Variants in MSH6 observed in about 807,000 individuals in gnomAD.
MSH6 encodes the protein mutS homolog 6, also known as DNA mismatch repair protein Msh6.
MSH6 carries 85 observed loss-of-function variants against 119.1 expected under a neutral mutation model. That is an observed-to-expected ratio of 0.71 (90% CI 0.60 to 0.85). MSH6 has a LOEUF of 0.85. Ranked by LOEUF, MSH6 falls within the 40% of genes least tolerant of loss-of-function variation. MSH6 has a pLI of 0.00. For missense variants in MSH6, 2,163 were observed against 1,655.3 expected, an observed-to-expected ratio of 1.31 and a Z score of -5.32; for synonymous variants, 830 against 586.9, an observed-to-expected ratio of 1.41 and a Z score of -5.99.
Position 47,800,066 on chromosome 2 carries a change from C to T in MSH6, c.2083C>T (p.Leu695Phe), listed in dbSNP as rs1669418611. ...TTGTGTCTTCTACCTCAAAAAATGC[C>T]TTATTGATCAGGAGCTTTTATCAAT... is the stretch of plus-strand genomic sequence containing the variant. ...GGCVFYLKKCLIDQELLSMAN... is the reference protein window; with the variant it reads ...GGCVFYLKKCFIDQELLSMAN... Residue 695 changes from leucine to phenylalanine, a missense_variant, in exon 4 of 10, where the codon CTT becomes TTT. Transcript: ENST00000234420. The T allele has an allele frequency of 1.9e-6, 3 of 1,614,094 alleles. No homozygotes were observed.
At chr2:47,805,443 G>A (rs967925333) in intron 6 of MSH6, among the ~76,000 whole-genome samples, 175 bp from the exon 7 acceptor site, 1 of 152,094 alleles carries the variant, frequency 6.6e-6, no homozygotes, top group Non-Finnish European at 1.5e-5. Flanking sequence ...CTCCCAAAGT[G>A]CTGGGATTAC....
At chr2:47,784,076 C>G (rs903600519) in intron 1 of MSH6, 4 of 1,008,864 alleles carry the variant, frequency 4.0e-6, no homozygotes, top group Non-Finnish European at 4.7e-6. Flanking sequence ...GTCGCCGAGA[C>G]GCCTTGGGGA....
intron 2 of MSH6, among the ~76,000 whole-genome samples, chr2:47,792,615 A>G: frequency 1.3e-5 from 2 of 152,194 alleles, no homozygotes; most frequent in East Asian, 3.9e-4. Flanking sequence ...CGGCCTCCCA[A>G]AGTGCTGAGA....
At chr2:47,787,327 A>G (rs1668406784) in intron 1 of MSH6, among the ~76,000 whole-genome samples, 1 of 152,218 alleles carries the variant, frequency 6.6e-6, no homozygotes, top group Admixed American at 6.5e-5. Context: ...AATGTTGATT[A>G]TATATTTTAG....
intron 1 of MSH6, chr2:47,784,306 G>A (rs1668212502): frequency 1.1e-6 from 1 of 918,402 alleles, no homozygotes; most frequent in Non-Finnish European, 1.3e-6. Flanking sequence ...TTCGTGTCGA[G>A]TGGAAAATAT....
At position 47,788,900 on chromosome 2, in the gene MSH6, CTTCTTCCTTTTTTTTTTTTTTGTTT is replaced by C. The variant is rs1457875373; in HGVS notation, c.261-2024_261-2000del. ...CATACTGCTATTTCTTTCTTTCTTT[CTTCTTCCTTTTTTTTTTTTTTGTTT>C]TTTTTTTTTTTTTTTTTTTTTTGTG... On this transcript the variant is annotated intron_variant, in intron 1 of 9. Transcript: ENST00000234420. Among the ~76,000 whole-genome samples, 30 of 47,332 alleles carry C rather than the reference CTTCTTCCTTTTTTTTTTTTTTGTTT, an allele frequency of 6.3e-4. 1 individual carries two copies. The highest frequency in any genetic ancestry group is 8.0e-4 in the African/African-American group (10 of 12,554). The allele number at this position is 47,332 out of a possible 152,430, so 31.1% of individuals were successfully genotyped here. A position where few individuals can be genotyped will look rare whatever the true frequency, so the allele number is the denominator to read the frequency against.
downstream of MSH6, chr2:47,809,540 TTC>T: frequency 1.6e-6 from 2 of 1,252,686 alleles, no homozygotes; most frequent in Non-Finnish European, 2.3e-6. Context: ...ATAAAACGGC[TTC>T]TGATTATCTT....
At position 47,799,984 on chromosome 2, in the gene MSH6, T is replaced by G. The variant is rs1361745058; in HGVS notation, c.2001T>G (p.Asp667Glu). The G allele has an allele frequency of 1.9e-6, 3 of 1,614,140 alleles. No homozygotes were observed. The East Asian group carries it at 6.7e-5, about 36-fold the overall frequency. Residue 667 changes from aspartate (D) to glutamate (E), a missense_variant, in exon 4 of 10, where the codon GAT becomes GAG. By Grantham distance (45) the Asp-to-Glu change is conservative (BLOSUM62 2). Transcript: ENST00000234420. ...TTAAAGGTATGACTTCAGAGTCTGA[T>G]TCCATTGGGTTGACACCAGGAGAGA... The part of the protein sequence containing the change: ...QVLKGMTSES[D>E]SIGLTPGEKS...
rs786201843 is a variant in MSH6 at position 47,801,067 on chromosome 2, A to T, written c.3084A>T (p.Ser1028=). The T allele has an allele frequency of 5.6e-6, 9 of 1,607,940 alleles. No homozygotes were observed. Among genetic ancestry groups the T allele is most frequent in the Non-Finnish European group, 7.6e-6 (9 of 1,177,228 alleles). ...ATGCTGAAGAACGGAGGGATGTATCATTGAAGGACTGCATGCGGCGACTGT... is the reference window on the plus strand; with the variant it reads ...ATGCTGAAGAACGGAGGGATGTATCTTTGAAGGACTGCATGCGGCGACTGT... ...LINAEERRDV[S]LKDCMRRLFY... Residue 1028 remains serine (S), a synonymous_variant, in exon 4 of 10, where the codon TCA becomes TCT. Transcript: ENST00000234420.
At chr2:47,788,946 T>TTTTTTTG (rs1553409740) in intron 1 of MSH6, among the ~76,000 whole-genome samples, 6 of 115,750 alleles carry the variant, frequency 5.2e-5, no homozygotes, top group Admixed American at 2.0e-4. Context: ...TTTTTTTTTT[T>TTTTTTTG]TGTGAGACGG....
chr2:47,791,917 G>C (rs1229331480), intron 2 of MSH6, among the ~76,000 whole-genome samples: 1 of 151,948 alleles, frequency 6.6e-6, no homozygotes, highest in Non-Finnish European at 1.5e-5. Context: ...CGCAATCTCA[G>C]CTCACTGCAA....
chr2:47,802,177 T>C (rs574520587), intron 4 of MSH6, among the ~76,000 whole-genome samples: 2 of 152,350 alleles, frequency 1.3e-5, no homozygotes, highest in South Asian at 2.1e-4. Context: ...GTAGCCAAAT[T>C]GTCAAAGATT....
At chr2:47,786,175 G>C (rs1382233970) in intron 1 of MSH6, among the ~76,000 whole-genome samples, 1 of 152,138 alleles carries the variant, frequency 6.6e-6, no homozygotes, top group Admixed American at 6.6e-5. Flanking sequence ...GTGGGAAGCT[G>C]GTTCAGGAAG....
In MSH6 at chr2:47,799,453, AATG is replaced by A. The variant is rs587782576; in HGVS notation, c.1474_1476del (p.Met492del). On this transcript the variant is annotated inframe_deletion, in exon 4 of 10. Transcript: ENST00000234420. ...GAGTGGAACAGACTGAGACTCCAGA[AATG>A]ATGGAGGCACGATGTAGAAAGATGG... is the stretch of plus-strand genomic sequence containing the variant. The A allele has an allele frequency of 8.7e-6, 14 of 1,614,060 alleles. No homozygotes were observed. The highest frequency in any genetic ancestry group is 1.2e-5 in the Non-Finnish European group (14 of 1,180,048).
intron 1 of MSH6, among the ~76,000 whole-genome samples, chr2:47,786,715 GTTTC>G (rs745617640): frequency 6.8e-6 from 1 of 148,054 alleles, no homozygotes; most frequent in Non-Finnish European, 1.5e-5. Context: ...GTCTTTTGCT[GTTTC>G]TTTTTTTTTT....
chr2:47,798,583 T>C, intron 3 of MSH6, 28 bp from the exon 4 acceptor site: 1 of 1,603,382 alleles, frequency 6.2e-7, no homozygotes, highest in Non-Finnish European at 8.5e-7. Flanking sequence ...TTTGATTTGT[T>C]TTTAAATACT....
rs757691799 is a variant in MSH6 at position 47,800,920 on chromosome 2, G to T, written c.2937G>T (p.Leu979=). ...YWGIGRNRYQ[L]EIPENFTTRN... is the part of the protein sequence containing the mutation. Reference sequence around the variant, plus strand: ...GGATTGGTAGGAACCGTTACCAGCTGGAAATTCCTGAGAATTTCACCACTC... The same window carrying T: ...GGATTGGTAGGAACCGTTACCAGCTTGAAATTCCTGAGAATTTCACCACTC... Residue 979 remains leucine (L), a synonymous_variant, in exon 4 of 10, where the codon CTG becomes CTT. Coordinates refer to ENST00000234420, the MANE Select transcript of MSH6 (RefSeq NM_000179.3). The T allele has an allele frequency of 6.3e-7, 1 of 1,579,240 alleles. No homozygotes were observed. Among genetic ancestry groups the T allele is most frequent in the Non-Finnish European group, 8.6e-7 (1 of 1,164,532 alleles).
downstream of MSH6, chr2:47,807,591 A>AGAT (rs1670310972): frequency 9.2e-6 from 2 of 218,258 alleles, no homozygotes; most frequent in Non-Finnish European, 9.2e-6. Context: ...AAGTACAGTA[A>AGAT]GATTTTGCTT....
At chr2:47,797,762 C>CA (rs1669186205) in intron 3 of MSH6, 1 of 176,434 alleles carries the variant, frequency 5.7e-6, no homozygotes, top group East Asian at 1.5e-4. Flanking sequence ...TGTTTTTGAA[C>CA]ATAACCTCAA....
Sources: gnomAD v4.1 joint callset for allele counts (sites outside exome capture counted in the v4.1 genomes callset) on GRCh38, gnomAD v4.1.1 for gene constraint, MANE v1.5 for transcripts, NCBI Gene and HGNC (gene_info 2026-07-23, HGNC 2026-07-21) for gene names.